CORO7: variants seen among roughly 807,000 people sequenced by gnomAD.
CORO7 encodes the protein coronin 7.
A neutral mutation model predicts 126.6 loss-of-function variants in CORO7; 107 were observed. The ratio of observed to expected loss-of-function variants is 0.85; its 90% CI spans 0.72 to 0.99. CORO7 has a LOEUF of 0.99. CORO7 is among the 50% of genes least tolerant of loss of function. The probability of loss-of-function intolerance (pLI) is 0.00; values close to 1 mark genes in which losing one functional copy is unlikely to be tolerated. For synonymous variants in CORO7, 603 were observed against 536.8 expected (o/e 1.12, Z -1.70); for missense variants, 1,314 against 1,255.8 (o/e 1.05, Z -0.70).
intron 9 of CORO7, chr16:4,381,559 C>A (rs763244686): frequency 1.2e-6 from 2 of 1,605,282 alleles, no homozygotes; most frequent in South Asian, 1.1e-5. Flanking sequence ...CGACAACCAG[C>A]TGGAGCGAGT....
intron 26 of CORO7, chr16:4,355,583 C>T: frequency 1.8e-6 from 1 of 561,078 alleles, no homozygotes; most frequent in Non-Finnish European, 3.2e-6. Context: ...ACTGTCCTGC[C>T]TCAGCCTCCC....
chr16:4,369,791 G>A (rs1464838667), intron 9 of CORO7, among the ~76,000 whole-genome samples: 1 of 152,078 alleles, frequency 6.6e-6, no homozygotes, highest in Non-Finnish European at 1.5e-5. Context: ...TGGGTCCCTT[G>A]GATCTGTCCC....
intron 9 of CORO7, among the ~76,000 whole-genome samples, chr16:4,379,003 C>G (rs1215875282): frequency 6.6e-6 from 1 of 152,096 alleles, no homozygotes; most frequent in Non-Finnish European, 1.5e-5. Flanking sequence ...TCGAGCTACC[C>G]GCAGACCCCA....
Position 4,362,875 on chromosome 16 carries a change from G to A in CORO7, c.1276-137C>T. On this transcript the variant is annotated intron_variant, in intron 14 of 27. Coordinates refer to ENST00000251166, the MANE Select transcript of CORO7 (RefSeq NM_024535.5). This position sits in a 1 kb window ranked among gnomAD's most constrained non-coding sequence, Gnocchi z 5.3. ...CCCCCACTGTGGGCATGCGACAGGAGCGGCGGGGGGCACGGGCATAAACGC... is the reference window on the plus strand; with the variant it reads ...CCCCCACTGTGGGCATGCGACAGGAACGGCGGGGGGCACGGGCATAAACGC... The A allele has an allele frequency of 9.6e-7, 1 of 1,046,420 alleles. No individual in the cohort carries two copies. Among genetic ancestry groups the A allele is most frequent in the Non-Finnish European group, 1.2e-6 (1 of 812,600 alleles). 64.8% of individuals were successfully genotyped at this position (1,046,420 alleles called of 1,614,324 possible).
chr16:4,385,402 C>A (rs1234197197), intron 9 of CORO7, among the ~76,000 whole-genome samples: 2 of 152,150 alleles, frequency 1.3e-5, no homozygotes, highest in African/African-American at 4.8e-5. Flanking sequence ...CACCCTACTT[C>A]TATGGGGGTA....
chr16:4,387,965 C>A (rs1567281346), intron 9 of CORO7, 21 bp downstream of exon 9: 1 of 1,612,180 alleles, frequency 6.2e-7, no homozygotes. Context: ...CCCCAGCCCA[C>A]CTGCGTGCCG....
chr16:4,364,226 C>A, intron 14 of CORO7, 50 bp downstream of exon 14: 2 of 1,475,918 alleles, frequency 1.4e-6, no homozygotes, highest in South Asian at 1.4e-5. Context: ...ACACTCAGGG[C>A]AGCCACTGCA....
At chr16:4,380,981 C>T (rs897544382) in intron 9 of CORO7, 1 of 1,607,728 alleles carries the variant, frequency 6.2e-7, no homozygotes. Flanking sequence ...CAGCCACAGA[C>T]AGTCTTCTGC....
chr16:4,362,415 C>T lies in CORO7; in HGVS notation c.1402+197G>A, dbSNP rs1485144344. The stretch of plus-strand genomic sequence containing the variant: ...GCTGCTCAGAAGCTGGTGGCCCCAG[C>T]CGCCCTCCTATTTTGCAGGTGAGAC... On this transcript the variant is annotated intron_variant, in intron 15 of 27. Coordinates refer to ENST00000251166, the MANE Select transcript of CORO7 (RefSeq NM_024535.5). This position sits in a 1 kb window ranked among gnomAD's most constrained non-coding sequence, Gnocchi z 5.3. Among the ~76,000 whole-genome samples the T allele has an allele frequency of 6.6e-6, 1 of 152,146 alleles. No individual in the cohort carries two copies. The highest frequency in any genetic ancestry group is 1.5e-5 in the Non-Finnish European group (1 of 68,016).
At chr16:4,357,047 G>T in intron 26 of CORO7, 121 bp downstream of exon 26, 1 of 1,310,464 alleles carries the variant, frequency 7.6e-7, no homozygotes, top group Non-Finnish European at 1.1e-6. Context: ...GCTCTGGTGT[G>T]AAGGGGACGT....
chr16:4,407,508 G>C lies in CORO7; in HGVS notation c.480C>G (p.Pro160=), dbSNP rs1477983856. 6.4e-7 allele frequency: 1 copy of C among 1,567,436 alleles called. No homozygotes were observed. The highest frequency in any genetic ancestry group is 8.6e-7 in the Non-Finnish European group (1 of 1,156,340). Residue 160 remains proline, a synonymous_variant, in exon 5 of 28, where the codon CCC becomes CCG. Transcript: ENST00000251166. ...VKVWDAAKQQ[P]LTELAAHGDL... Reference sequence around the variant, plus strand: ...GGCCAGGGTGGCCTGTACCTGTCAGGGGCTGCTGCTTGGCTGCGTCCCAGA... The same window carrying C: ...GGCCAGGGTGGCCTGTACCTGTCAGCGGCTGCTGCTTGGCTGCGTCCCAGA...
intron 26 of CORO7, 142 bp downstream of exon 26, chr16:4,357,026 C>T: frequency 1.7e-6 from 2 of 1,145,378 alleles, no homozygotes; most frequent in East Asian, 2.6e-5. Context: ...TCTGGAAGGT[C>T]TCCCCACCAG....
At chr16:4,414,396 G>A (rs2056331872) in intron 1 of CORO7, 1 of 152,024 alleles carries the variant, frequency 6.6e-6, no homozygotes, top group African/African-American at 2.4e-5. Context: ...GATCTGCAAG[G>A]TCCACACATT....
intron 1 of CORO7, 53 bp downstream of exon 1, chr16:4,416,406 G>A (rs1859021515): frequency 1.3e-6 from 2 of 1,504,516 alleles, no homozygotes; most frequent in Admixed American, 2.3e-5. Flanking sequence ...CAGGGGGAGG[G>A]GCAGCCGGAC....
chr16:4,394,827 G>C (rs912150531), intron 7 of CORO7, among the ~76,000 whole-genome samples: 4 of 152,190 alleles, frequency 2.6e-5, no homozygotes, highest in Non-Finnish European at 5.9e-5. Flanking sequence ...AACTGAAATG[G>C]CCACGCACAC....
chr16:4,387,382 GA>G (rs1354635972), intron 9 of CORO7, among the ~76,000 whole-genome samples: 2 of 152,176 alleles, frequency 1.3e-5, no homozygotes, highest in African/African-American at 4.8e-5. Context: ...GGGGCAGATG[GA>G]AGGATGAGGT....
In CORO7 at chr16:4,387,970, G is replaced by A. The variant is rs774387877; in HGVS notation, c.785+16C>T. 8.4e-5 allele frequency: 136 copies of A among 1,612,484 alleles called. No homozygotes were observed. In the South Asian group the frequency reaches 1.0e-3, roughly 12 times the overall value. On this transcript the variant is annotated intron_variant, in intron 9 of 27. Transcript: ENST00000251166. The stretch of plus-strand genomic sequence containing the variant: ...GTCATCAGCCCCCCAGCCCACCTGC[G>A]TGCCGCAGCTCCTACCCAAGCGAGG...
At chr16:4,359,206 C>A (rs1345779528) in intron 23 of CORO7, 90 bp downstream of exon 23, 2 of 1,395,874 alleles carry the variant, frequency 1.4e-6, no homozygotes, top group Admixed American at 2.6e-5. Flanking sequence ...TGACCCCCGA[C>A]CCACAGGCTC....
At chr16:4,368,222 C>G (rs1367933845) in intron 9 of CORO7, among the ~76,000 whole-genome samples, 1 of 152,006 alleles carries the variant, frequency 6.6e-6, no homozygotes, top group African/African-American at 2.4e-5. Context: ...TGGTGTGCAT[C>G]TGTAATCCCA....
Sources: gnomAD v4.1 joint callset for allele counts (sites outside exome capture counted in the v4.1 genomes callset) on GRCh38, gnomAD v4.1.1 for gene constraint, Gnocchi (gnomAD v3.1) non-coding constraint, MANE v1.5 for transcripts, NCBI Gene and HGNC (gene_info 2026-07-23, HGNC 2026-07-21) for gene names.